The following GIMAP8 variants were observed in gnomAD, a reference collection of about 807,000 sequenced individuals.
The protein encoded by GIMAP8 is GTPase, IMAP family member 8, also known as GTPase IMAP family member 8.
GIMAP8 carries 29 observed loss-of-function variants against 35.6 expected under a neutral mutation model. The ratio of observed to expected loss-of-function variants is 0.81; its 90% CI spans 0.61 to 1.11. The LOEUF is 1.11. Ranked by LOEUF, GIMAP8 falls within the 50% of genes most tolerant of loss-of-function variation. The probability of loss-of-function intolerance (pLI) is 0.00; values close to 1 mark genes in which losing one functional copy is unlikely to be tolerated. For missense variants in GIMAP8, 811 were observed against 805.0 expected (o/e 1.01, Z -0.09); for synonymous variants, 335 against 308.7 (o/e 1.09, Z -0.89).
chr7:150,475,053 C>G (rs1475173526), intron 4 of GIMAP8, among the ~76,000 whole-genome samples: 1 of 152,150 alleles, frequency 6.6e-6, no homozygotes, highest in African/African-American at 2.4e-5. Flanking sequence ...AGGACATGAA[C>G]TCATCATTTT....
chr7:150,461,085 C>A (rs1801835742), intron 1 of GIMAP8, among the ~76,000 whole-genome samples: 1 of 152,246 alleles, frequency 6.6e-6, no homozygotes, highest in East Asian at 1.9e-4. Flanking sequence ...CTACTGATAC[C>A]TAAGCACCAT....
In GIMAP8 at chr7:150,474,489, G is replaced by T; in HGVS notation, c.1160G>T (p.Gly387Val). The change falls in exon 4 of 5, where the codon GGT becomes GTT. Residue 387 changes from glycine to valine, a missense_variant. By Grantham distance (109) the Gly-to-Val change is moderately radical. Transcript: ENST00000307271. The stretch of plus-strand genomic sequence containing the variant: ...AGAAACAGCAATAAAGCTCTCTATG[G>T]TCTCATCCAGAAGTGTAAAAACAGA... ...FLRNSNKALY[G>V]LIQKCKNRYS... is the part of the protein sequence containing the mutation. 3 of 1,613,890 alleles carry T rather than the reference G, an allele frequency of 1.9e-6. No homozygotes were observed. The highest frequency in any genetic ancestry group is 2.5e-6 in the Non-Finnish European group (3 of 1,179,900).
In GIMAP8 at chr7:150,477,114, G is replaced by C. The variant is rs752410990; in HGVS notation, c.1332G>C (p.Val444=). The C allele has an allele frequency of 6.2e-7, 1 of 1,606,160 alleles. No individual in the cohort carries two copies. The highest frequency in any genetic ancestry group is 8.5e-7 in the Non-Finnish European group (1 of 1,173,258). Residue 444 remains valine, a synonymous_variant, in exon 5 of 5, where the codon GTG becomes GTC. Coordinates refer to ENST00000307271, the MANE Select transcript of GIMAP8 (RefSeq NM_175571.4). ...REKETLNIVL[V]GRSGTGKSAT... ...CAGAAACCCTGAACATTGTCCTTGT[G>C]GGGAGAAGCGGGACTGGGAAGAGTG...
intron 3 of GIMAP8, among the ~76,000 whole-genome samples, chr7:150,471,603 G>A (rs1236908137): frequency 1.3e-5 from 2 of 152,184 alleles, no homozygotes; most frequent in South Asian, 4.1e-4. Flanking sequence ...TTGGGAGGCC[G>A]AGGTGGGTGG....
intron 1 of GIMAP8, among the ~76,000 whole-genome samples, 180 bp from the exon 2 acceptor site, chr7:150,466,491 G>A (rs533195839): frequency 1.3e-5 from 2 of 152,238 alleles, no homozygotes; most frequent in Non-Finnish European, 2.9e-5. Flanking sequence ...TCTCAGAGAT[G>A]AGGGAACAGG....
rs1177725812 is a variant in GIMAP8 at position 150,465,911 on chromosome 7, A to G, written c.-28-760A>G. Among the ~76,000 whole-genome samples, 8 of 152,324 alleles carry G rather than the reference A, an allele frequency of 5.3e-5. No homozygotes were observed. The East Asian group carries it at 1.5e-3, about 29-fold the overall frequency. On this transcript the variant is annotated intron_variant, in intron 1 of 4. Coordinates refer to ENST00000307271, the MANE Select transcript of GIMAP8 (RefSeq NM_175571.4). ...TTATAAAAATATCCTTGAAGTAGGT[A>G]ATACCGCTTCTATCTTATGGATTAG...
At chr7:150,470,764 T>TG in intron 2 of GIMAP8, 65 bp from the exon 3 acceptor site, 1 of 730,514 alleles carries the variant, frequency 1.4e-6, no homozygotes, top group Non-Finnish European at 2.1e-6. Context: ...TTTTTTTTTT[T>TG]TTTTCAGTTT....
rs1386311902 is a variant in GIMAP8, at chr7:150,472,169, G to A, written c.682+1295G>A. Among the ~76,000 whole-genome samples the A allele has an allele frequency of 6.6e-6, 1 of 152,200 alleles. No homozygotes were observed. Among genetic ancestry groups the A allele is most frequent in the East Asian group, 1.9e-4 (1 of 5,198 alleles). ...GCACACCATGGGGAGTCACAGGGCT[G>A]TCAGAAACAGGGGGCAGGGAAGGAC... is the stretch of plus-strand genomic sequence containing the variant. On this transcript the variant is annotated intron_variant, in intron 3 of 4. Coordinates refer to ENST00000307271, the MANE Select transcript of GIMAP8 (RefSeq NM_175571.4). This position sits in a 1 kb window ranked among gnomAD's most constrained non-coding sequence, Gnocchi z 4.1.
intron 1 of GIMAP8, among the ~76,000 whole-genome samples, chr7:150,465,137 C>G (rs545904118): frequency 5.9e-5 from 9 of 152,244 alleles, no homozygotes; most frequent in Admixed American, 2.6e-4. Context: ...GGAAGGGAAC[C>G]CATCAAGGGG....
At chr7:150,475,999 T>G (rs1460313335) in intron 4 of GIMAP8, among the ~76,000 whole-genome samples, 1 of 152,058 alleles carries the variant, frequency 6.6e-6, no homozygotes, top group Non-Finnish European at 1.5e-5. Context: ...GAACACTGAA[T>G]TAGAGAATAT....
At chr7:150,476,146 ATGAAGT>A (rs72011743) in intron 4 of GIMAP8, among the ~76,000 whole-genome samples, 2,505 of 152,318 alleles carry the variant, frequency 0.016, 73 homozygotes, top group African/African-American at 0.058. Flanking sequence ...GGGCATAACT[ATGAAGT>A]TGAAGTTTCA....
chr7:150,456,301 G>A (rs1801727747), intron 1 of GIMAP8, among the ~76,000 whole-genome samples: 1 of 152,090 alleles, frequency 6.6e-6, no homozygotes, highest in Admixed American at 6.6e-5. Context: ...AAGGTTTTCT[G>A]GGCAGCAATA....
rs1369799150 is a variant in GIMAP8 at position 150,477,638 on chromosome 7, C to CGTTA, written c.1856_1857insGTTA (p.Lys620LeufsTer5). ...GAAACCCAGGTGAAAGCTCTTTTAA[C>CGTTA]AAAGGTCAATGATCTGAGAAAAGAA... is the stretch of plus-strand genomic sequence containing the variant. On this transcript the variant is annotated frameshift_variant, in exon 5 of 5. Transcript: ENST00000307271. LOFTEE classifies it low-confidence loss of function (END_TRUNC). 6.2e-7 allele frequency: 1 copy of CGTTA among 1,614,044 alleles called. No homozygotes were observed. Among genetic ancestry groups the CGTTA allele is most frequent in the African/African-American group, 1.3e-5 (1 of 74,906 alleles).
chr7:150,455,682 G>A (rs1801716462), intron 1 of GIMAP8, among the ~76,000 whole-genome samples: 1 of 152,194 alleles, frequency 6.6e-6, no homozygotes, highest in Non-Finnish European at 1.5e-5. Flanking sequence ...ATGTGCACGA[G>A]GATAACCTGG....
chr7:150,467,964 T>C (rs1802007936), intron 2 of GIMAP8, among the ~76,000 whole-genome samples: 1 of 152,158 alleles, frequency 6.6e-6, no homozygotes, highest in African/African-American at 2.4e-5. Flanking sequence ...AAATTTTTGA[T>C]TTTCTCTTTT....
At chr7:150,469,239 C>T (rs1802036888) in intron 2 of GIMAP8, among the ~76,000 whole-genome samples, 1 of 152,206 alleles carries the variant, frequency 6.6e-6, no homozygotes, top group Admixed American at 6.5e-5. Context: ...TGCTCTCCCC[C>T]ATCCCACCCT....
intron 4 of GIMAP8, among the ~76,000 whole-genome samples, chr7:150,475,166 G>A (rs1585120787): frequency 6.6e-6 from 1 of 152,206 alleles, no homozygotes; most frequent in South Asian, 2.1e-4. Flanking sequence ...AGTCTGCTTA[G>A]GATGGCAGCC....
At chr7:150,461,612 G>T (rs1050140015) in intron 1 of GIMAP8, among the ~76,000 whole-genome samples, 10 of 152,036 alleles carry the variant, frequency 6.6e-5, no homozygotes, top group African/African-American at 2.4e-4. Context: ...CTTTACAGAG[G>T]AAGTGAATTT....
At chr7:150,455,049 A>G (rs1801696715) in intron 1 of GIMAP8, among the ~76,000 whole-genome samples, 2 of 152,016 alleles carry the variant, frequency 1.3e-5, no homozygotes, top group South Asian at 4.2e-4. Flanking sequence ...GAGGCAGGAG[A>G]ATCGCTTGAA....
Sources: gnomAD v4.1 joint callset for allele counts (sites outside exome capture counted in the v4.1 genomes callset) on GRCh38, gnomAD v4.1.1 for gene constraint, Gnocchi (gnomAD v3.1) non-coding constraint, MANE v1.5 for transcripts, NCBI Gene and HGNC (gene_info 2026-07-23, HGNC 2026-07-21) for gene names.